DMGDH: variants seen among roughly 807,000 people sequenced by gnomAD.
DMGDH encodes the protein dimethylglycine dehydrogenase, also known as dimethylglycine dehydrogenase, mitochondrial.
A neutral mutation model predicts 95.2 loss-of-function variants in DMGDH; 76 were observed. That is an observed-to-expected ratio of 0.80 (90% CI 0.66 to 0.97). DMGDH has a LOEUF of 0.97. Ranked by LOEUF, DMGDH falls within the 50% of genes least tolerant of loss-of-function variation. The pLI, the probability that DMGDH is intolerant of heterozygous loss-of-function variation, is 0.00. For synonymous variants in DMGDH, 345 were observed against 377.6 expected (o/e 0.91, Z 1.00); for missense variants, 987 against 1,055.0 (o/e 0.94, Z 0.89).
chr5:79,054,390 G>A (rs1268270503), intron 3 of DMGDH, 42 bp from the exon 4 acceptor site: 2 of 1,597,194 alleles, frequency 1.3e-6, no homozygotes, highest in South Asian at 2.2e-5. Flanking sequence ...ATAAGTCATT[G>A]TTTGGTACTC....
chr5:79,021,190 C>G, intron 14 of DMGDH: 1 of 993,960 alleles, frequency 1.0e-6, no homozygotes, highest in East Asian at 1.1e-4. Context: ...CGGAGCACTT[C>G]CCACAAGATG....
intron 11 of DMGDH, among the ~76,000 whole-genome samples, chr5:79,028,856 T>C (rs1026927831): frequency 2.0e-5 from 3 of 152,222 alleles, no homozygotes; most frequent in African/African-American, 4.8e-5. Context: ...CACCCACTTA[T>C]AAATTTGGGG....
intron 7 of DMGDH, among the ~76,000 whole-genome samples, chr5:79,041,125 T>A (rs952442197): frequency 6.6e-6 from 1 of 152,228 alleles, no homozygotes; most frequent in Non-Finnish European, 1.5e-5. Context: ...CTTATGAAAT[T>A]GATCACCAAA....
chr5:79,020,400 G>A (rs1753835170), intron 14 of DMGDH, among the ~76,000 whole-genome samples: 1 of 152,124 alleles, frequency 6.6e-6, no homozygotes, highest in African/African-American at 2.4e-5. Flanking sequence ...TGGATGCTTT[G>A]ACCACTATAT....
intron 4 of DMGDH, among the ~76,000 whole-genome samples, chr5:79,053,341 TGA>T (rs760996871): frequency 2.3e-4 from 35 of 151,976 alleles, no homozygotes; most frequent in Non-Finnish European, 3.7e-4. Context: ...TGTGTGTGTG[TGA>T]GTGTGTGAGA....
intron 2 of DMGDH, among the ~76,000 whole-genome samples, chr5:79,060,374 A>T (rs1755162882): frequency 6.6e-6 from 1 of 152,216 alleles, no homozygotes; most frequent in Admixed American, 6.5e-5. Flanking sequence ...TATTAGGTAT[A>T]TCATGAGCTG....
At chr5:79,001,150 CCTAATCATTG>C in intron 15 of DMGDH, 1 of 498,486 alleles carries the variant, frequency 2.0e-6, no homozygotes, top group Non-Finnish European at 3.6e-6. Context: ...TGCGGCTGCA[CCTAATCATTG>C]CTTTTGTTTG....
chr5:79,026,544 AT>A lies in DMGDH; in HGVS notation c.2069del (p.Asp690ValfsTer10), dbSNP rs1170711495. On this transcript the variant is annotated frameshift_variant, in exon 13 of 16. Transcript: ENST00000255189. LOFTEE classifies it high-confidence loss of function. ...TGATAGCGTCATACAGCGCCACAGA[AT>A]CTTCTCTTCTGTGATACAGCTCCCA... Reference protein sequence around the residue: ...LGWELYHRREDSVALYDAIMN... With the variant: ...LGWELYHRREXSVALYDAIMN... 11 of 1,613,990 alleles carry A rather than the reference AT, an allele frequency of 6.8e-6. No individual in the cohort carries two copies. Among genetic ancestry groups the A allele is most frequent in the Admixed American group, 1.7e-5 (1 of 59,998 alleles).
At chr5:79,039,860 G>C (rs569258393) in intron 7 of DMGDH, among the ~76,000 whole-genome samples, 1 of 152,126 alleles carries the variant, frequency 6.6e-6, no homozygotes, top group Non-Finnish European at 1.5e-5. Context: ...TAGGCATGGG[G>C]TTCAGAGAGC....
chr5:79,038,247 G>A (rs1754403858), intron 7 of DMGDH, among the ~76,000 whole-genome samples: 1 of 152,172 alleles, frequency 6.6e-6, no homozygotes, highest in Non-Finnish European at 1.5e-5. Flanking sequence ...ACTTTGGGGG[G>A]TCGAGGTGGG....
chr5:79,004,421 AC>A (rs749146699), intron 15 of DMGDH, among the ~76,000 whole-genome samples: 30 of 152,282 alleles, frequency 2.0e-4, no homozygotes, highest in Admixed American at 8.5e-4. Context: ...TACGAAAAAA[AC>A]CCAGGCACAG....
At chr5:79,027,141 T>C (rs1439993084) in intron 12 of DMGDH, among the ~76,000 whole-genome samples, 1 of 152,200 alleles carries the variant, frequency 6.6e-6, no homozygotes, top group Non-Finnish European at 1.5e-5. Flanking sequence ...AGAAATTAAA[T>C]GTAACCCAAA....
chr5:79,066,742 A>G (rs1454995065), intron 1 of DMGDH, among the ~76,000 whole-genome samples: 1 of 152,122 alleles, frequency 6.6e-6, no homozygotes, highest in East Asian at 1.9e-4. Flanking sequence ...GAAGCGTATG[A>G]TGTTGGTTTG....
chr5:79,030,886 C>T lies in DMGDH; in HGVS notation c.1630G>A (p.Gly544Ser). ...LSPFGKFNIK[G>S]QDSIRLLDHL... Reference sequence around the variant, plus strand: ...TCCAGTAGTCTAATGGAATCTTGGCCTTTGATGTTAAACTTGCCAAATGGT... The same window carrying T: ...TCCAGTAGTCTAATGGAATCTTGGCTTTTGATGTTAAACTTGCCAAATGGT... The change falls in exon 10 of 16, where the codon GGC becomes AGC. Residue 544 changes from glycine (G) to serine (S), a missense_variant. Gly to Ser is a moderately conservative substitution (Grantham distance 56, BLOSUM62 0). Transcript: ENST00000255189. 2 of 1,614,062 alleles carry T rather than the reference C, an allele frequency of 1.2e-6. No individual in the cohort carries two copies. The highest frequency in any genetic ancestry group is 1.6e-4 in the Middle Eastern group (1 of 6,062).
chr5:79,033,761 T>C (rs1265446698), intron 7 of DMGDH, among the ~76,000 whole-genome samples: 1 of 151,982 alleles, frequency 6.6e-6, no homozygotes, highest in Non-Finnish European at 1.5e-5. Flanking sequence ...TGAGAACTCA[T>C]CGCTACAAAA....
intron 5 of DMGDH, among the ~76,000 whole-genome samples, chr5:79,050,262 AAAAAAAAAAAAAT>A (rs1196780664): frequency 1.8e-3 from 117 of 65,174 alleles, no homozygotes; most frequent in African/African-American, 2.5e-3. Flanking sequence ...AAAAAAAAAA[AAAAAAAAAAAAAT>A]ATATATATAT....
In DMGDH at chr5:79,069,634, C is replaced by T; in HGVS notation, c.-14G>A. ...GGGACGGAGCATGACTAGGCCGAGGCCGAGGGCGCAGGCGCCTGCTCCGAG... is the reference window on the plus strand; with the variant it reads ...GGGACGGAGCATGACTAGGCCGAGGTCGAGGGCGCAGGCGCCTGCTCCGAG... On this transcript the variant is annotated 5_prime_UTR_variant, in exon 1 of 16. Coordinates refer to ENST00000255189, the MANE Select transcript of DMGDH (RefSeq NM_013391.3). 7.4e-7 allele frequency: 1 copy of T among 1,356,462 alleles called. No individual in the cohort carries two copies. Among genetic ancestry groups the T allele is most frequent in the Non-Finnish European group, 9.5e-7 (1 of 1,055,044 alleles). 84.0% of individuals were successfully genotyped at this position (1,356,462 alleles called of 1,614,324 possible).
intron 15 of DMGDH, among the ~76,000 whole-genome samples, chr5:79,001,884 G>A (rs1753459641): frequency 1.3e-5 from 2 of 152,052 alleles, no homozygotes; most frequent in South Asian, 4.2e-4. Flanking sequence ...AAATCTCCAG[G>A]GAAATGTTTT....
intron 1 of DMGDH, among the ~76,000 whole-genome samples, chr5:79,064,694 T>A (rs1755318913): frequency 6.6e-6 from 1 of 152,158 alleles, no homozygotes; most frequent in Non-Finnish European, 1.5e-5. Flanking sequence ...TATTTCTTTA[T>A]ATCCTTATTC....
Sources: allele counts gnomAD v4.1 joint callset (sites outside exome capture counted in the v4.1 genomes callset), GRCh38; gene constraint gnomAD v4.1.1; transcripts MANE v1.5; gene names NCBI Gene and HGNC (gene_info 2026-07-23, HGNC 2026-07-21).